The following KIAA1217 variants were observed in gnomAD, a reference collection of about 807,000 sequenced individuals.
KIAA1217 encodes sickle tail protein homolog.
In KIAA1217, 88 loss-of-function variants were observed where a neutral mutation model predicts 163.9. The observed-to-expected ratio is 0.54, with a 90% CI of 0.45 to 0.64. KIAA1217 has a LOEUF of 0.64. Ranked by LOEUF, KIAA1217 falls within the 30% of genes least tolerant of loss-of-function variation. KIAA1217 has a pLI of 0.00. For synonymous variants in KIAA1217, 903 were observed against 923.1 expected, an observed-to-expected ratio of 0.98 and a Z score of 0.39; for missense variants, 2,372 against 2,475.0, an observed-to-expected ratio of 0.96 and a Z score of 0.88.
rs76276798 is a variant in KIAA1217 at position 24,010,223 on chromosome 10, A to G, written c.-171+2849A>G. 4.2e-3 allele frequency among the ~76,000 whole-genome samples: 632 copies of G among 152,194 alleles called. 5 individuals are homozygous for G. Among genetic ancestry groups the G allele is most frequent in the African/African-American group, 0.014 (585 of 41,550 alleles). ...GGGTAAAATGCAAAAAAAAAAAGTC[A>G]ATGATTACAGTCAATAAAGTCTCAA... On this transcript the variant is annotated intron_variant, in intron 2 of 18. Coordinates refer to the KIAA1217 transcript ENST00000376462.
chr10:24,069,696 G>A (rs2061109378), intron 2 of KIAA1217, among the ~76,000 whole-genome samples: 1 of 152,006 alleles, frequency 6.6e-6, no homozygotes, highest in Admixed American at 6.5e-5. Context: ...ACTAGTTCCT[G>A]GAATTTTACA....
chr10:24,529,490 T>TTATATATATA (rs754240362), intron 14 of KIAA1217, among the ~76,000 whole-genome samples: 2 of 150,598 alleles, frequency 1.3e-5, no homozygotes, highest in African/African-American at 4.9e-5. Context: ...TGGAGGGAAT[T>TTATATATATA]TATATATATA....
chr10:23,719,311 T>A (rs1837737004), intron 1 of KIAA1217, among the ~76,000 whole-genome samples: 1 of 152,202 alleles, frequency 6.6e-6, no homozygotes, highest in Admixed American at 6.5e-5. Context: ...CCGGGTGCCG[T>A]GGCTCATGCC....
At chr10:23,919,280 C>A (rs1409849725) in intron 1 of KIAA1217, among the ~76,000 whole-genome samples, 3 of 151,908 alleles carry the variant, frequency 2.0e-5, no homozygotes, top group Non-Finnish European at 4.4e-5. Flanking sequence ...CAACCAACCC[C>A]CACCCCACTA....
chr10:24,098,305 G>T (rs1024488771), intron 2 of KIAA1217, among the ~76,000 whole-genome samples: 6 of 152,018 alleles, frequency 3.9e-5, no homozygotes, highest in African/African-American at 1.4e-4. Context: ...CAACTGTTTT[G>T]CCCATCCTAC....
At chr10:24,165,312 G>A (rs960285681) in intron 2 of KIAA1217, among the ~76,000 whole-genome samples, 1 of 152,172 alleles carries the variant, frequency 6.6e-6, no homozygotes, top group Non-Finnish European at 1.5e-5. Flanking sequence ...ATAGGAGCCT[G>A]ACCTCTCACC....
intron 1 of KIAA1217, among the ~76,000 whole-genome samples, chr10:23,945,566 A>G (rs1276711925): frequency 3.3e-5 from 5 of 152,296 alleles, no homozygotes; most frequent in Middle Eastern, 3.4e-3. Flanking sequence ...TACATTTATC[A>G]AAACTCAACA....
intron 1 of KIAA1217, among the ~76,000 whole-genome samples, chr10:23,797,540 G>A (rs1313134156): frequency 1.3e-5 from 2 of 152,156 alleles, no homozygotes; most frequent in African/African-American, 4.8e-5. Context: ...TTGACTCACA[G>A]TTCCACAGGC....
intron 2 of KIAA1217, among the ~76,000 whole-genome samples, chr10:24,373,218 G>T (rs1226512362): frequency 6.6e-6 from 1 of 152,138 alleles, no homozygotes; most frequent in Non-Finnish European, 1.5e-5. Context: ...CCAGTTGTGG[G>T]TCACTTCTTG....
intron 1 of KIAA1217, among the ~76,000 whole-genome samples, chr10:24,214,775 A>G (rs866436574): frequency 7.9e-5 from 12 of 152,344 alleles, no homozygotes; most frequent in African/African-American, 2.9e-4. Context: ...GCCACTAGAA[A>G]GAAGTGAGGG....
intron 1 of KIAA1217, among the ~76,000 whole-genome samples, chr10:24,004,092 G>A (rs2131470971): frequency 6.6e-6 from 1 of 152,164 alleles, no homozygotes; most frequent in African/African-American, 2.4e-5. Context: ...CGATTCTCCT[G>A]CCTCAGCCTC....
In KIAA1217 at chr10:24,544,380, T is replaced by C. The variant is rs1439449807; in HGVS notation, c.5110T>C (p.Ser1704Pro). ...CAACAGAGATTCTGTTGCAAGTTCA[T>C]CCCACATAGCCCAAGAGGCCTCTCC... ...SSNRDSVASS[S>P]HIAQEASPRP... is the part of the protein sequence containing the mutation. Residue 1704 changes from serine (S) to proline (P), a missense_variant, in exon 19 of 21, where the codon TCC (serine) becomes CCC (proline). This residue lies in a region of KIAA1217 where 690 missense variants were observed against 677.5 expected (regional missense o/e 1.02). Coordinates refer to ENST00000376454, the MANE Select transcript of KIAA1217 (RefSeq NM_019590.5). 4.3e-6 allele frequency: 7 copies of C among 1,613,964 alleles called. No homozygotes were observed. The highest frequency in any genetic ancestry group is 5.9e-6 in the Non-Finnish European group (7 of 1,180,026).
At chr10:23,834,101 C>T (rs1034983764) in intron 1 of KIAA1217, among the ~76,000 whole-genome samples, 1 of 152,028 alleles carries the variant, frequency 6.6e-6, no homozygotes, top group African/African-American at 2.4e-5. Context: ...TAGGATTAGT[C>T]TTATATTTGT....
At position 24,472,503 on chromosome 10, in the gene KIAA1217, C is replaced by T. The variant is rs114146863; in HGVS notation, c.847-725C>T. Among the ~76,000 whole-genome samples the T allele has an allele frequency of 6.1e-3, 922 of 152,264 alleles. 10 individuals are homozygous for T. Among genetic ancestry groups the T allele is most frequent in the African/African-American group, 0.021 (867 of 41,540 alleles). The stretch of plus-strand genomic sequence containing the variant: ...TTTCCCAGGGCTAACAGTAGAAAAA[C>T]GTGCTCAGGACAAGTTTTAGAAGAC... On this transcript the variant is annotated intron_variant, in intron 5 of 20. Coordinates refer to ENST00000376454, the MANE Select transcript of KIAA1217 (RefSeq NM_019590.5).
intron 6 of KIAA1217, among the ~76,000 whole-genome samples, chr10:24,483,813 A>G (rs1189270958): frequency 6.6e-6 from 1 of 152,238 alleles, no homozygotes; most frequent in African/African-American, 2.4e-5. Context: ...GTTCCAGATT[A>G]GCCTCAGGGA....
At chr10:24,162,563 A>G (rs147628121) in intron 2 of KIAA1217, among the ~76,000 whole-genome samples, 2 of 152,204 alleles carry the variant, frequency 1.3e-5, no homozygotes, top group African/African-American at 4.8e-5. Flanking sequence ...AGCCCATCAC[A>G]TGGTACCTGG....
At chr10:24,455,575 C>A (rs1024413607) in intron 5 of KIAA1217, among the ~76,000 whole-genome samples, 1 of 152,202 alleles carries the variant, frequency 6.6e-6, no homozygotes, top group Non-Finnish European at 1.5e-5. Context: ...AGCCTCTAAA[C>A]ACATATCTTG....
chr10:23,773,702 G>T (rs1190619072), intron 1 of KIAA1217, among the ~76,000 whole-genome samples: 3 of 152,054 alleles, frequency 2.0e-5, no homozygotes, highest in Non-Finnish European at 2.9e-5. Flanking sequence ...TAGATTCCTA[G>T]GTATTTCATT....
At chr10:23,950,570 T>G (rs1844293369) in intron 1 of KIAA1217, among the ~76,000 whole-genome samples, 1 of 152,038 alleles carries the variant, frequency 6.6e-6, no homozygotes. Flanking sequence ...TCTCAAATAA[T>G]ATACAAAATA....
Sources: gnomAD v4.1 joint callset for allele counts (sites outside exome capture counted in the v4.1 genomes callset) on GRCh38, gnomAD v4.1.1 for gene constraint, gnomAD v4.1.1 regional missense constraint, MANE v1.5 for transcripts, NCBI Gene and HGNC (gene_info 2026-07-23, HGNC 2026-07-21) for gene names.